The following LRRC37A2 variants were observed in gnomAD, a reference collection of about 807,000 sequenced individuals.
LRRC37A2 encodes the protein leucine rich repeat containing 37 member A2, also known as leucine-rich repeat-containing protein 37A2.
LRRC37A2 carries 9 observed loss-of-function variants against 68.8 expected under a neutral mutation model. The observed-to-expected ratio is 0.13, with a 90% confidence interval of 0.08 to 0.23. LRRC37A2 has a LOEUF of 0.23. Ranked by LOEUF, LRRC37A2 falls within the 10% of genes least tolerant of loss-of-function variation. LRRC37A2 has a pLI of 1.00. For missense variants in LRRC37A2, 168 were observed against 950.4 expected (o/e 0.18, Z 10.82); for synonymous variants, 63 against 367.6 (o/e 0.17, Z 9.48).
At chr17:46,534,209 T>A (rs572334840) in intron 6 of LRRC37A2, among the ~76,000 whole-genome samples, 1 of 148,868 alleles carries the variant, frequency 6.7e-6, no homozygotes, top group Non-Finnish European at 1.5e-5. Flanking sequence ...TTTTTTTAAT[T>A]TTTTTTTATT....
chr17:46,758,169 C>T, the LRRC37A2 span, among the ~76,000 whole-genome samples: 2 of 152,178 alleles, frequency 1.3e-5, no homozygotes, highest in Admixed American at 1.3e-4. Flanking sequence ...TTGTATCCTC[C>T]ATAGTTTTTT....
the LRRC37A2 span, among the ~76,000 whole-genome samples, chr17:46,811,405 G>T: frequency 2.6e-5 from 4 of 152,198 alleles, no homozygotes; most frequent in Non-Finnish European, 5.9e-5. Context: ...TGAGATATTA[G>T]TTTGACATGA....
At chr17:46,734,090 T>A in the LRRC37A2 span, among the ~76,000 whole-genome samples, 6 of 152,186 alleles carry the variant, frequency 3.9e-5, no homozygotes, top group African/African-American at 1.2e-4. Flanking sequence ...TTACATGACA[T>A]CTTAGCAGTC....
At chr17:46,979,407 G>C in the LRRC37A2 span, among the ~76,000 whole-genome samples, 1 of 152,184 alleles carries the variant, frequency 6.6e-6, no homozygotes, top group Non-Finnish European at 1.5e-5. Flanking sequence ...GGAGGGGGTC[G>C]GGAGATCCGG....
the LRRC37A2 span, among the ~76,000 whole-genome samples, chr17:46,816,119 A>ACACACACGCACG: frequency 0.074 from 11,088 of 150,618 alleles, 426 homozygotes; most frequent in Middle Eastern, 0.16. Context: ...ACGTACACAC[A>ACACACACGCACG]CACACACACA....
chr17:46,499,340 G>GGGGA, the LRRC37A2 span, among the ~76,000 whole-genome samples: 1 of 140,656 alleles, frequency 7.1e-6, no homozygotes, highest in Middle Eastern at 3.7e-3. Flanking sequence ...AAAAAAGGTG[G>GGGGA]GGGGACAATG....
the LRRC37A2 span, among the ~76,000 whole-genome samples, chr17:46,724,988 T>G: frequency 6.6e-6 from 1 of 152,214 alleles, no homozygotes; most frequent in South Asian, 2.1e-4. Context: ...TTTATTCTTT[T>G]AGTAAATACT....
At chr17:46,777,777 G>A in the LRRC37A2 span, among the ~76,000 whole-genome samples, 1 of 152,240 alleles carries the variant, frequency 6.6e-6, no homozygotes, top group Non-Finnish European at 1.5e-5. Flanking sequence ...CTTATGCAAG[G>A]AAGTGGCTGA....
the LRRC37A2 span, among the ~76,000 whole-genome samples, chr17:46,999,155 T>C: frequency 1.3e-5 from 2 of 152,384 alleles, no homozygotes; most frequent in Admixed American, 6.5e-5. Context: ...AATTAGGTAC[T>C]ATAGAGCAGT....
At chr17:46,750,105 C>A in the LRRC37A2 span, among the ~76,000 whole-genome samples, 1 of 152,178 alleles carries the variant, frequency 6.6e-6, no homozygotes, top group African/African-American at 2.4e-5. Flanking sequence ...GTAATCCCAG[C>A]ACTTTGGGAG....
chr17:46,488,927 A>C, the LRRC37A2 span, among the ~76,000 whole-genome samples: 4 of 105,618 alleles, frequency 3.8e-5, 1 homozygote, highest in Admixed American at 3.7e-4. Flanking sequence ...GAATGTTACC[A>C]GTTTTTTGTT....
chr17:47,015,783 TA>T, the LRRC37A2 span, among the ~76,000 whole-genome samples: 3 of 152,110 alleles, frequency 2.0e-5, no homozygotes, highest in Non-Finnish European at 4.4e-5. Context: ...ATAATAATTT[TA>T]ATTCAATTTA....
At chr17:46,635,818 T>TGTGCGC in the LRRC37A2 span, among the ~76,000 whole-genome samples, 4 of 138,356 alleles carry the variant, frequency 2.9e-5, no homozygotes, top group African/African-American at 1.1e-4. Flanking sequence ...TGTGTGTGTG[T>TGTGCGC]GCTCGTGTGT....
At chr17:47,032,916 T>A in the LRRC37A2 span, among the ~76,000 whole-genome samples, 1 of 152,110 alleles carries the variant, frequency 6.6e-6, no homozygotes, top group Admixed American at 6.5e-5. Context: ...CTCAGGACTT[T>A]GATTAAGATA....
chr17:46,838,660 A>T, the LRRC37A2 span, among the ~76,000 whole-genome samples: 1 of 152,136 alleles, frequency 6.6e-6, no homozygotes, highest in Non-Finnish European at 1.5e-5. Context: ...AATTAAAAAT[A>T]AAATTTAAAA....
At chr17:46,791,711 TTTC>T in the LRRC37A2 span, among the ~76,000 whole-genome samples, 2 of 152,224 alleles carry the variant, frequency 1.3e-5, no homozygotes, top group Non-Finnish European at 2.9e-5. Flanking sequence ...TAGGAAGGCA[TTTC>T]TTCTGGGGGA....
the LRRC37A2 span, among the ~76,000 whole-genome samples, chr17:46,970,290 C>A: frequency 6.6e-6 from 1 of 152,062 alleles, no homozygotes; most frequent in Non-Finnish European, 1.5e-5. Flanking sequence ...CCTGTAATCC[C>A]AGCACTTTGG....
chr17:46,978,705 A>C, the LRRC37A2 span: 1 of 1,612,056 alleles, frequency 6.2e-7, no homozygotes, highest in Non-Finnish European at 8.5e-7. Flanking sequence ...CCTGCACCAG[A>C]AAGTTGATCA....
the LRRC37A2 span, among the ~76,000 whole-genome samples, chr17:46,606,343 A>G: frequency 1.1e-4 from 1 of 8,908 alleles, no homozygotes. Context: ...AACTACTAAA[A>G]TAATATAAAT....
Sources: allele counts gnomAD v4.1 joint callset (sites outside exome capture counted in the v4.1 genomes callset), GRCh38; gene constraint gnomAD v4.1.1; transcripts MANE v1.5; gene names NCBI Gene and HGNC (gene_info 2026-07-23, HGNC 2026-07-21).